Variants in ATRNL1 observed in about 807,000 individuals in gnomAD.
The protein encoded by ATRNL1 is attractin-like protein 1.
ATRNL1 carries 95 observed loss-of-function variants against 182.7 expected under a neutral mutation model. The ratio of observed to expected loss-of-function variants is 0.52; its 90% CI spans 0.44 to 0.62. ATRNL1 has a LOEUF of 0.62. Among genes scored for constraint, ATRNL1 ranks in the 20% least tolerant of loss-of-function variants. The pLI, the probability that ATRNL1 is intolerant of heterozygous loss-of-function variation, is 0.00. For missense variants in ATRNL1, 1,471 were observed against 1,679.5 expected, an observed-to-expected ratio of 0.88 and a Z score of 2.17; for synonymous variants, 576 against 568.3, an observed-to-expected ratio of 1.01 and a Z score of -0.19.
chr10:115,308,424 G>A lies in ATRNL1; in HGVS notation c.2818+6381G>A, dbSNP rs573064088. 2.0e-5 allele frequency among the ~76,000 whole-genome samples: 3 copies of A among 152,000 alleles called. No homozygotes were observed. The East Asian group carries it at 5.8e-4, about 29-fold the overall frequency. ...AAAAATAGAATAATACACAACTTGAGGATAAGGTGTTATCTCACAAATCTG... is the reference window on the plus strand; with the variant it reads ...AAAAATAGAATAATACACAACTTGAAGATAAGGTGTTATCTCACAAATCTG... On this transcript the variant is annotated intron_variant, in intron 17 of 28. Coordinates refer to ENST00000355044, the MANE Select transcript of ATRNL1 (RefSeq NM_207303.4).
chr10:115,113,597 C>T (rs1554868873), intron 1 of ATRNL1, among the ~76,000 whole-genome samples: 1 of 152,054 alleles, frequency 6.6e-6, no homozygotes, highest in Non-Finnish European at 1.5e-5. Flanking sequence ...AAGAGGAGGT[C>T]CCCTGCACAA....
At chr10:115,409,419 A>G (rs532712095) in intron 20 of ATRNL1, among the ~76,000 whole-genome samples, 173 of 152,124 alleles carry the variant, frequency 1.1e-3, no homozygotes, top group Non-Finnish European at 2.2e-3. Flanking sequence ...TTTGTAACCT[A>G]CAAGTTTAGT....
chr10:115,548,381 CAA>C (rs1298762077), intron 25 of ATRNL1, among the ~76,000 whole-genome samples: 1 of 152,138 alleles, frequency 6.6e-6, no homozygotes, highest in Non-Finnish European at 1.5e-5. Context: ...GAAGACTTGA[CAA>C]GAGTGGAAAG....
chr10:115,688,420 A>G (rs1301897793), intron 26 of ATRNL1, among the ~76,000 whole-genome samples: 1 of 152,062 alleles, frequency 6.6e-6, no homozygotes, highest in Non-Finnish European at 1.5e-5. Flanking sequence ...ACTAATTTAC[A>G]TTCCCACCAA....
rs782174568 is a variant in ATRNL1, at chr10:115,281,398, T to G, written c.2144T>G (p.Ile715Ser). ...AAATGTCATGTGAGAAATGAGCAGA[T>G]TTGTAACAAACTTACCAGCTGTAAA... is the stretch of plus-strand genomic sequence containing the variant. ...YTKCHVRNEQ[I>S]CNKLTSCKSC... The change falls in exon 14 of 29, where the codon ATT becomes AGT. Residue 715 changes from isoleucine to serine, a missense_variant. Coordinates refer to ENST00000355044, the MANE Select transcript of ATRNL1 (RefSeq NM_207303.4). 10 of 1,613,474 alleles carry G rather than the reference T, an allele frequency of 6.2e-6. No individual in the cohort carries two copies. In the South Asian group the frequency reaches 1.1e-4, roughly 18 times the overall value.
chr10:115,922,001 G>A (rs926816255), intron 28 of ATRNL1, among the ~76,000 whole-genome samples: 2 of 152,180 alleles, frequency 1.3e-5, no homozygotes, highest in African/African-American at 2.4e-5. Flanking sequence ...CTCACCTCCA[G>A]TTGTAGGGTG....
At chr10:115,525,145 T>C (rs1851143599) in intron 25 of ATRNL1, among the ~76,000 whole-genome samples, 1 of 152,202 alleles carries the variant, frequency 6.6e-6, no homozygotes, top group African/African-American at 2.4e-5. Context: ...TGGCCCTCCA[T>C]TGAAGCAACA....
At chr10:115,600,784 A>G (rs1856547115) in intron 26 of ATRNL1, among the ~76,000 whole-genome samples, 1 of 152,110 alleles carries the variant, frequency 6.6e-6, no homozygotes, top group African/African-American at 2.4e-5. Context: ...GTTCTACTTA[A>G]GGAAACGTCC....
intron 26 of ATRNL1, among the ~76,000 whole-genome samples, chr10:115,577,487 A>G (rs1230471493): frequency 6.6e-6 from 1 of 151,772 alleles, no homozygotes; most frequent in African/African-American, 2.4e-5. Context: ...TGATGACAAT[A>G]TAAATGGAAT....
intron 1 of ATRNL1, among the ~76,000 whole-genome samples, chr10:115,115,503 T>G (rs1484723016): frequency 6.6e-6 from 1 of 152,044 alleles, no homozygotes; most frequent in Non-Finnish European, 1.5e-5. Context: ...GCATCACATT[T>G]TACCCCATGA....
intron 19 of ATRNL1, among the ~76,000 whole-genome samples, chr10:115,348,363 T>C (rs1856072172): frequency 6.6e-6 from 1 of 152,190 alleles, no homozygotes; most frequent in Non-Finnish European, 1.5e-5. Flanking sequence ...TGTGGTACTT[T>C]ATATGTTGTA....
chr10:115,907,810 G>T (rs1952548896), intron 28 of ATRNL1, among the ~76,000 whole-genome samples: 1 of 152,016 alleles, frequency 6.6e-6, no homozygotes, highest in Admixed American at 6.6e-5. Context: ...ACATGTAGAG[G>T]ATCTGATGAA....
At chr10:115,757,614 G>C (rs1948624440) in intron 27 of ATRNL1, among the ~76,000 whole-genome samples, 2 of 152,166 alleles carry the variant, frequency 1.3e-5, no homozygotes, top group South Asian at 4.2e-4. Flanking sequence ...CTTCAACCTT[G>C]GTGAATCTGA....
intron 21 of ATRNL1, among the ~76,000 whole-genome samples, chr10:115,445,050 G>T (rs1846892483): frequency 6.6e-6 from 1 of 151,754 alleles, no homozygotes; most frequent in Non-Finnish European, 1.5e-5. Flanking sequence ...TTATTATATT[G>T]TTCTTGAATG....
intron 6 of ATRNL1, among the ~76,000 whole-genome samples, chr10:115,162,619 A>T (rs1846846114): frequency 6.6e-6 from 1 of 150,860 alleles, no homozygotes; most frequent in Non-Finnish European, 1.5e-5. Flanking sequence ...TTTATTGATG[A>T]TATACTGGGG....
chr10:115,604,930 T>C (rs1856799390), intron 26 of ATRNL1, among the ~76,000 whole-genome samples: 1 of 152,178 alleles, frequency 6.6e-6, no homozygotes. Context: ...AATGAGTACT[T>C]GAAATATATG....
intron 27 of ATRNL1, among the ~76,000 whole-genome samples, chr10:115,738,141 T>C (rs1948020677): frequency 9.6e-6 from 1 of 104,538 alleles, no homozygotes; most frequent in South Asian, 3.7e-4. Context: ...TTTTTTTTTT[T>C]TTTTTTTTTT....
intron 28 of ATRNL1, among the ~76,000 whole-genome samples, chr10:115,878,271 C>T (rs1951743792): frequency 6.6e-6 from 1 of 152,264 alleles, no homozygotes; most frequent in African/African-American, 2.4e-5. Flanking sequence ...TCCAACCAAC[C>T]TAAAGCCACA....
intron 26 of ATRNL1, among the ~76,000 whole-genome samples, chr10:115,574,291 CAG>C (rs1448055357): frequency 1.3e-5 from 2 of 150,090 alleles, no homozygotes; most frequent in Non-Finnish European, 3.0e-5. Flanking sequence ...TATAACTATG[CAG>C]ATATATATAT....
Sources: gnomAD v4.1 joint callset for allele counts (sites outside exome capture counted in the v4.1 genomes callset) on GRCh38, gnomAD v4.1.1 for gene constraint, MANE v1.5 for transcripts, NCBI Gene and HGNC (gene_info 2026-07-23, HGNC 2026-07-21) for gene names.